UBE3C: variants seen among roughly 807,000 people sequenced by gnomAD.
UBE3C encodes ubiquitin protein ligase E3C, also known as ubiquitin-protein ligase E3C.
UBE3C carries 42 observed loss-of-function variants against 129.4 expected under a neutral mutation model. That is an observed-to-expected ratio of 0.32 (90% confidence interval 0.25 to 0.42). UBE3C has a LOEUF of 0.42. Ranked by LOEUF, UBE3C falls within the 10% of genes least tolerant of loss-of-function variation. The pLI is 1.00. For missense variants in UBE3C, 1,049 were observed against 1,319.1 expected (o/e 0.80, Z 3.17); for synonymous variants, 510 against 492.4 (o/e 1.04, Z -0.47).
Position 157,186,800 on chromosome 7 carries a change from A to G in UBE3C, c.1144-34A>G. 4 of 1,610,700 alleles carry G rather than the reference A, an allele frequency of 2.5e-6. No homozygotes were observed. The East Asian group carries it at 6.7e-5, about 27-fold the overall frequency. On this transcript the variant is annotated intron_variant, in intron 9 of 22. Coordinates refer to ENST00000348165, the MANE Select transcript of UBE3C (RefSeq NM_014671.3). ...TGTAGAGGACGTTCCAGTTGAGCACATTTATGGAGACTGGTTGTTCTGGTA... is the reference window on the plus strand; with the variant it reads ...TGTAGAGGACGTTCCAGTTGAGCACGTTTATGGAGACTGGTTGTTCTGGTA...
At chr7:157,151,759 G>A (rs1807762377) in intron 1 of UBE3C, among the ~76,000 whole-genome samples, 1 of 152,114 alleles carries the variant, frequency 6.6e-6, no homozygotes, top group Non-Finnish European at 1.5e-5. Context: ...TATGCAATTG[G>A]ACCAAGAGGA....
chr7:157,208,579 T>C (rs942213433), intron 13 of UBE3C, among the ~76,000 whole-genome samples: 17 of 152,234 alleles, frequency 1.1e-4, no homozygotes, highest in African/African-American at 3.9e-4. Flanking sequence ...TTAAAATGTT[T>C]TTATTTTTCA....
intron 22 of UBE3C, 67 bp from the exon 23 acceptor site, chr7:157,267,518 T>C: frequency 6.3e-7 from 1 of 1,575,152 alleles, no homozygotes; most frequent in Non-Finnish European, 8.7e-7. Flanking sequence ...TTTTGTGTAC[T>C]TTGTATTAAA....
At chr7:157,139,373 G>A in intron 1 of UBE3C, 35 bp downstream of exon 1, 1 of 1,534,566 alleles carries the variant, frequency 6.5e-7, no homozygotes, top group Non-Finnish European at 8.7e-7. Flanking sequence ...CCTCGGCTCG[G>A]GGCCTGCGCG....
intron 1 of UBE3C, among the ~76,000 whole-genome samples, chr7:157,151,346 G>A (rs1807752433): frequency 6.6e-6 from 1 of 152,212 alleles, no homozygotes; most frequent in Non-Finnish European, 1.5e-5. Context: ...TAACAACACA[G>A]TGAGTTAAAA....
chr7:157,217,059 ATTAT>A (rs1353119002), intron 14 of UBE3C, 88 bp downstream of exon 14: 9 of 1,080,304 alleles, frequency 8.3e-6, no homozygotes, highest in Admixed American at 5.2e-5. Flanking sequence ...GCACTTTAAA[ATTAT>A]TTATTTTATG....
At position 157,267,814 on chromosome 7, in the gene UBE3C, TC is replaced by T; in HGVS notation, c.*63del. ...CAGTGCTTCCTTCGTCAGCAGCGCC[TC>T]CCCAGACCCACGAGGATACTCACAC... On this transcript the variant is annotated 3_prime_UTR_variant, in exon 23 of 23. Coordinates refer to ENST00000348165, the MANE Select transcript of UBE3C (RefSeq NM_014671.3). 2 of 1,462,198 alleles carry T rather than the reference TC, an allele frequency of 1.4e-6. No homozygotes were observed. The highest frequency in any genetic ancestry group is 1.8e-6 in the Non-Finnish European group (2 of 1,097,720). 90.6% of individuals were successfully genotyped at this position (1,462,198 alleles called of 1,614,324 possible).
At chr7:157,241,990 A>G (rs564511256) in intron 18 of UBE3C, among the ~76,000 whole-genome samples, 1 of 152,336 alleles carries the variant, frequency 6.6e-6, no homozygotes, top group East Asian at 1.9e-4. Flanking sequence ...AGTGATCGCC[A>G]GGGCTGGGAG....
intron 18 of UBE3C, among the ~76,000 whole-genome samples, chr7:157,240,887 T>A (rs1796299710): frequency 6.6e-6 from 1 of 152,120 alleles, no homozygotes; most frequent in African/African-American, 2.4e-5. Flanking sequence ...AGAATGACAG[T>A]CAACTGTGTG....
chr7:157,247,622 G>A (rs12535762), intron 18 of UBE3C, among the ~76,000 whole-genome samples: 26,981 of 152,064 alleles, frequency 0.18, 2,648 homozygotes, highest in East Asian at 0.36. Flanking sequence ...AACCTGGGAG[G>A]CGGAGGTTGC....
rs559788183 is a variant in UBE3C, at chr7:157,209,029, T to C, written c.1809+1094T>C. The stretch of plus-strand genomic sequence containing the variant: ...CACTGCTTTTGTCAAGCTATCTATT[T>C]AATTGAAAGAAGTTAATTGAATGAA... On this transcript the variant is annotated intron_variant, in intron 13 of 22. Coordinates refer to ENST00000348165, the MANE Select transcript of UBE3C (RefSeq NM_014671.3). Among the ~76,000 whole-genome samples, 11 of 152,396 alleles carry C rather than the reference T, an allele frequency of 7.2e-5. No individual in the cohort carries two copies. In the East Asian group the frequency reaches 9.6e-4, roughly 13 times the overall value.
chr7:157,193,923 A>T (rs1233930333), intron 10 of UBE3C, among the ~76,000 whole-genome samples: 1 of 152,198 alleles, frequency 6.6e-6, no homozygotes, highest in African/African-American at 2.4e-5. Context: ...CTCCTAACGT[A>T]AATCTCTATT....
At chr7:157,234,175 G>A (rs924945324) in intron 18 of UBE3C, among the ~76,000 whole-genome samples, 2 of 151,956 alleles carry the variant, frequency 1.3e-5, no homozygotes, top group African/African-American at 2.4e-5. Context: ...TTTGAAGAAC[G>A]AACATTTTTA....
chr7:157,153,594 G>A (rs940917411), intron 1 of UBE3C, among the ~76,000 whole-genome samples: 2 of 152,034 alleles, frequency 1.3e-5, no homozygotes, highest in African/African-American at 4.8e-5. Context: ...TGAGCCACAC[G>A]CCCAGCCAGA....
At chr7:157,260,138 A>G in intron 22 of UBE3C, among the ~76,000 whole-genome samples, 1 of 151,806 alleles carries the variant, frequency 6.6e-6, no homozygotes, top group Non-Finnish European at 1.5e-5. Flanking sequence ...CCATGCAAAT[A>G]AAACAGGACA....
chr7:157,160,317 T>C (rs62491943), intron 1 of UBE3C, among the ~76,000 whole-genome samples: 15,474 of 152,218 alleles, frequency 0.1, 899 homozygotes, highest in African/African-American at 0.14. Context: ...TCAGGCGATC[T>C]GCCGGCCTTG....
intron 18 of UBE3C, among the ~76,000 whole-genome samples, chr7:157,237,398 G>A (rs6955670): frequency 0.33 from 50,190 of 151,250 alleles, 11,176 homozygotes; most frequent in African/African-American, 0.63. Context: ...CCGAGATTGC[G>A]CCACTGCACT....
intron 2 of UBE3C, among the ~76,000 whole-genome samples, chr7:157,167,849 A>G (rs890397234): frequency 1.3e-5 from 2 of 152,080 alleles, no homozygotes; most frequent in Non-Finnish European, 2.9e-5. Flanking sequence ...AGTGCCTCTC[A>G]TAGGGCTGGC....
At chr7:157,244,707 G>A (rs769758867) in intron 18 of UBE3C, among the ~76,000 whole-genome samples, 9 of 152,280 alleles carry the variant, frequency 5.9e-5, no homozygotes, top group Admixed American at 1.3e-4. Context: ...CATTAATTGC[G>A]TCGCGACTGC....
Sources: allele counts gnomAD v4.1 joint callset (sites outside exome capture counted in the v4.1 genomes callset), GRCh38; gene constraint gnomAD v4.1.1; transcripts MANE v1.5; gene names NCBI Gene and HGNC (gene_info 2026-07-23, HGNC 2026-07-21).